The following MACROD2 variants were observed in gnomAD, a reference collection of about 807,000 sequenced individuals.
The protein encoded by MACROD2 is ADP-ribose glycohydrolase MACROD2.
In MACROD2, 36 loss-of-function variants were observed where a neutral mutation model predicts 70.4. The observed-to-expected ratio is 0.51, with a 90% CI of 0.39 to 0.68. MACROD2 has a LOEUF of 0.68. Ranked by LOEUF, MACROD2 falls within the 30% of genes least tolerant of loss-of-function variation. The pLI is 0.00. For missense variants in MACROD2, 496 were observed against 538.4 expected (o/e 0.92, Z 0.78); for synonymous variants, 172 against 178.8 (o/e 0.96, Z 0.30).
chr20:14,468,613 A>C (rs2084488425), intron 3 of MACROD2, among the ~76,000 whole-genome samples: 1 of 151,872 alleles, frequency 6.6e-6, no homozygotes, highest in Non-Finnish European at 1.5e-5. Flanking sequence ...CCCGGGTTCA[A>C]GCAATTCTCT....
intron 5 of MACROD2, among the ~76,000 whole-genome samples, chr20:14,998,714 T>C (rs2074970247): frequency 6.6e-6 from 1 of 152,134 alleles, no homozygotes; most frequent in Non-Finnish European, 1.5e-5. Context: ...GAAAGTTTAT[T>C]TAAAGGGATA....
chr20:15,219,795 A>G (rs967125874), intron 5 of MACROD2, among the ~76,000 whole-genome samples: 4 of 152,278 alleles, frequency 2.6e-5, no homozygotes, highest in East Asian at 1.9e-4. Flanking sequence ...TAGTGAGCCC[A>G]TTAATTCCTT....
chr20:15,749,034 C>T (rs1272889655), intron 8 of MACROD2, among the ~76,000 whole-genome samples: 1 of 152,086 alleles, frequency 6.6e-6, no homozygotes, highest in Non-Finnish European at 1.5e-5. Context: ...ATTATGTATA[C>T]AAATACATAG....
At chr20:14,214,052 T>A (rs1219914630) in intron 3 of MACROD2, among the ~76,000 whole-genome samples, 1 of 152,126 alleles carries the variant, frequency 6.6e-6, no homozygotes, top group Non-Finnish European at 1.5e-5. Flanking sequence ...GTATAAAAAA[T>A]TAAGGTATAC....
At chr20:15,949,586 G>T (rs1451307589) in intron 12 of MACROD2, among the ~76,000 whole-genome samples, 1 of 152,068 alleles carries the variant, frequency 6.6e-6, no homozygotes, top group Non-Finnish European at 1.5e-5. Context: ...TCTCTACCTA[G>T]CCCCCATTCC....
intron 5 of MACROD2, among the ~76,000 whole-genome samples, chr20:14,984,560 A>G (rs2074831813): frequency 6.6e-6 from 1 of 152,186 alleles, no homozygotes; most frequent in Admixed American, 6.5e-5. Context: ...CATTACATCT[A>G]GATTAAAGAA....
intron 5 of MACROD2, among the ~76,000 whole-genome samples, chr20:14,699,559 T>C (rs1329564853): frequency 2.0e-5 from 3 of 152,162 alleles, no homozygotes; most frequent in Admixed American, 1.3e-4. Context: ...GAGAAGGAAA[T>C]AGCATGATAG....
chr20:14,849,696 G>A (rs565276754), intron 5 of MACROD2, among the ~76,000 whole-genome samples: 17 of 152,230 alleles, frequency 1.1e-4, no homozygotes, highest in East Asian at 5.8e-4. Context: ...CAGGAGAATC[G>A]CTTGAACCTG....
chr20:15,384,951 A>T (rs1361388028), intron 6 of MACROD2, among the ~76,000 whole-genome samples: 2 of 152,196 alleles, frequency 1.3e-5, no homozygotes, highest in Non-Finnish European at 2.9e-5. Flanking sequence ...TTGACAAGTC[A>T]TCATGAAGGT....
intron 3 of MACROD2, among the ~76,000 whole-genome samples, chr20:14,335,825 C>T (rs1469621349): frequency 6.6e-6 from 1 of 152,070 alleles, no homozygotes; most frequent in East Asian, 1.9e-4. Flanking sequence ...GTTTTTGTAA[C>T]TCTGTTTTTA....
intron 6 of MACROD2, among the ~76,000 whole-genome samples, chr20:15,427,828 A>G (rs1051764531): frequency 1.3e-5 from 2 of 152,192 alleles, no homozygotes; most frequent in Non-Finnish European, 2.9e-5. Context: ...TCTAGGTCCT[A>G]GACTCAAGGT....
intron 8 of MACROD2, among the ~76,000 whole-genome samples, chr20:15,676,330 ATT>A (rs2050056791): frequency 6.6e-6 from 1 of 152,240 alleles, no homozygotes; most frequent in Admixed American, 6.5e-5. Context: ...TTAAAAGTCA[ATT>A]TAGACAGGCA....
intron 5 of MACROD2, among the ~76,000 whole-genome samples, chr20:15,045,402 C>T (rs2075385283): frequency 6.6e-6 from 1 of 152,126 alleles, no homozygotes. Context: ...CTCAGCAACA[C>T]AGGGAGGTGA....
intron 3 of MACROD2, among the ~76,000 whole-genome samples, chr20:14,358,010 G>T (rs981167264): frequency 1.1e-4 from 16 of 152,276 alleles, no homozygotes; most frequent in South Asian, 2.1e-4. Flanking sequence ...CATTCAACTT[G>T]TCTTTGCAGC....
chr20:14,224,624 C>T (rs998324388), intron 3 of MACROD2, among the ~76,000 whole-genome samples: 7 of 152,124 alleles, frequency 4.6e-5, no homozygotes, highest in African/African-American at 1.7e-4. Context: ...TACGTGGCTT[C>T]CTGGGATTCT....
rs927453918 is a variant in MACROD2, at chr20:14,089,239, G to A, written c.271+3511G>A. On this transcript the variant is annotated intron_variant, in intron 3 of 17. Coordinates refer to ENST00000684519, the MANE Select transcript of MACROD2 (RefSeq NM_001351661.2). ...CAGGTAGATAGAAAAGGGATGCCAA[G>A]TGAATATACACTGTAATGGCTCTAT... is the stretch of plus-strand genomic sequence containing the variant. Among the ~76,000 whole-genome samples the A allele has an allele frequency of 5.3e-5, 8 of 152,336 alleles. No individual in the cohort carries two copies. The South Asian group carries it at 1.4e-3, about 28-fold the overall frequency.
chr20:15,386,865 T>C (rs1321090183), intron 6 of MACROD2, among the ~76,000 whole-genome samples: 2 of 152,214 alleles, frequency 1.3e-5, no homozygotes, highest in East Asian at 1.9e-4. Context: ...CCTTGTAATA[T>C]CTGTTCTTTT....
rs1187182294 is a variant in MACROD2 at position 15,636,884 on chromosome 20, C to T, written c.645+137037C>T. ...ACATGGGAGAGATGCAGGCTAAGAACTAAAACTAATGAATGGAAGTTACAG... is the reference window on the plus strand; with the variant it reads ...ACATGGGAGAGATGCAGGCTAAGAATTAAAACTAATGAATGGAAGTTACAG... On this transcript the variant is annotated intron_variant, in intron 8 of 17. Coordinates refer to ENST00000684519, the MANE Select transcript of MACROD2 (RefSeq NM_001351661.2). Among the ~76,000 whole-genome samples, 6 of 152,110 alleles carry T rather than the reference C, an allele frequency of 3.9e-5. No individual in the cohort carries two copies. In the East Asian group the frequency reaches 1.2e-3, roughly 30 times the overall value.
intron 4 of MACROD2, among the ~76,000 whole-genome samples, chr20:14,576,869 A>G (rs1008742049): frequency 6.6e-6 from 1 of 152,232 alleles, no homozygotes. Context: ...GGTATTCTCA[A>G]AGTAATTACA....
Sources: gnomAD v4.1 joint callset for allele counts (sites outside exome capture counted in the v4.1 genomes callset) on GRCh38, gnomAD v4.1.1 for gene constraint, MANE v1.5 for transcripts, NCBI Gene and HGNC (gene_info 2026-07-23, HGNC 2026-07-21) for gene names.